Variants in ELMOD1 observed in about 807,000 individuals in gnomAD.
ELMOD1 encodes the protein ELMO domain-containing protein 1.
Under a neutral mutation model 46.7 loss-of-function variants are expected in ELMOD1, and 21 were observed. That is an observed-to-expected ratio of 0.45 (90% CI 0.32 to 0.65). The LOEUF is 0.65. Among genes scored for constraint, ELMOD1 ranks in the 30% least tolerant of loss-of-function variants. The pLI is 0.04. For synonymous variants in ELMOD1, 122 were observed against 138.2 expected (o/e 0.88, Z 0.82); for missense variants, 348 against 407.8 (o/e 0.85, Z 1.26).
chr11:107,654,419 C>A (rs1866585719), intron 10 of ELMOD1, among the ~76,000 whole-genome samples, 197 bp downstream of exon 10: 2 of 152,186 alleles, frequency 1.3e-5, no homozygotes, highest in African/African-American at 2.4e-5. Flanking sequence ...TGCCTATGAA[C>A]AACTGACAAG....
chr11:107,596,656 C>T (rs1865496617), intron 1 of ELMOD1, among the ~76,000 whole-genome samples: 1 of 152,100 alleles, frequency 6.6e-6, no homozygotes. Flanking sequence ...CTATTATGTA[C>T]ATCATTAGTC....
chr11:107,653,526 T>C (rs1341984728), intron 9 of ELMOD1: 1 of 151,900 alleles, frequency 6.6e-6, no homozygotes, highest in African/African-American at 2.4e-5. Flanking sequence ...TTAAAACCTG[T>C]AAATGCTCCC....
chr11:107,662,299 A>G (rs547042629), intron 11 of ELMOD1, among the ~76,000 whole-genome samples: 1 of 152,134 alleles, frequency 6.6e-6, no homozygotes, highest in East Asian at 2.0e-4. Context: ...GCAAGCCACC[A>G]TAGCTAGCTT....
intron 11 of ELMOD1, 111 bp downstream of exon 11, chr11:107,656,177 C>T (rs1030128119): frequency 1.6e-6 from 2 of 1,217,004 alleles, no homozygotes; most frequent in Non-Finnish European, 1.1e-6. Flanking sequence ...TGCCTGAGCT[C>T]AGGAGTTCAA....
chr11:107,634,918 T>A (rs80053184), intron 5 of ELMOD1, among the ~76,000 whole-genome samples: 4,785 of 152,282 alleles, frequency 0.031, 234 homozygotes, highest in African/African-American at 0.11. Flanking sequence ...AACCACTTTG[T>A]AATAAGCAAA....
At chr11:107,624,584 C>T (rs921138939) in intron 2 of ELMOD1, among the ~76,000 whole-genome samples, 1 of 152,162 alleles carries the variant, frequency 6.6e-6, no homozygotes. Context: ...CCAGAGAGGT[C>T]GAGGCTGCTT....
At chr11:107,602,770 A>G (rs1865623583) in intron 1 of ELMOD1, among the ~76,000 whole-genome samples, 1 of 143,712 alleles carries the variant, frequency 7.0e-6, no homozygotes, top group African/African-American at 2.6e-5. Flanking sequence ...TCTGTAATTC[A>G]TGTCAGAAAC....
intron 7 of ELMOD1, 119 bp downstream of exon 7, chr11:107,647,720 T>C: frequency 9.7e-7 from 1 of 1,031,430 alleles, no homozygotes; most frequent in Non-Finnish European, 1.3e-6. Context: ...AAAGAAAACA[T>C]TCAAGTCCCC....
chr11:107,618,350 A>G (rs550754932), intron 2 of ELMOD1, 144 bp downstream of exon 2: 1 of 967,272 alleles, frequency 1.0e-6, no homozygotes. Flanking sequence ...TTTTGCTAAG[A>G]ATAACTTGGC....
chr11:107,597,455 T>A (rs1865511217), intron 1 of ELMOD1, among the ~76,000 whole-genome samples: 1 of 152,112 alleles, frequency 6.6e-6, no homozygotes, highest in African/African-American at 2.4e-5. Flanking sequence ...TCTAAGAAGG[T>A]CAGAAACAAA....
intron 1 of ELMOD1, among the ~76,000 whole-genome samples, chr11:107,598,815 T>G (rs1865538379): frequency 6.6e-6 from 1 of 152,254 alleles, no homozygotes; most frequent in South Asian, 2.1e-4. Context: ...TTTGGCTACA[T>G]AGCCTCCATA....
At chr11:107,611,853 T>G (rs934581402) in intron 1 of ELMOD1, among the ~76,000 whole-genome samples, 6 of 151,994 alleles carry the variant, frequency 3.9e-5, no homozygotes, top group Non-Finnish European at 8.8e-5. Flanking sequence ...TGGCTATTAT[T>G]AAGAAGTCCA....
At chr11:107,642,947 G>T in intron 6 of ELMOD1, 1 of 333,956 alleles carries the variant, frequency 3.0e-6, no homozygotes, top group East Asian at 1.1e-4. Flanking sequence ...GTACAATCAG[G>T]TTATCCTTGG....
chr11:107,613,361 A>G (rs1237055382), intron 1 of ELMOD1, among the ~76,000 whole-genome samples: 1 of 152,224 alleles, frequency 6.6e-6, no homozygotes, highest in Non-Finnish European at 1.5e-5. Flanking sequence ...TAGAGAGGTC[A>G]AGCAACTTGT....
chr11:107,625,978 TAAAC>T (rs1420146177), intron 2 of ELMOD1, among the ~76,000 whole-genome samples: 5 of 151,942 alleles, frequency 3.3e-5, no homozygotes, highest in Non-Finnish European at 7.4e-5. Flanking sequence ...AAAACAGAAA[TAAAC>T]AAAAAAACTG....
At chr11:107,601,884 TC>T (rs1865606114) in intron 1 of ELMOD1, among the ~76,000 whole-genome samples, 1 of 152,192 alleles carries the variant, frequency 6.6e-6, no homozygotes, top group Non-Finnish European at 1.5e-5. Flanking sequence ...TCTAATGCAC[TC>T]TGAACTGGTT....
Position 107,647,577 on chromosome 11 carries a change from G to A in ELMOD1, c.530G>A (p.Gly177Glu). ...CCTAAAACAGACTTTCGAGGAATGG[G>A]ACTTCTGGGACTGTACAATTTGCAG... The part of the protein sequence containing the change: ...DDPKTDFRGM[G>E]LLGLYNLQYF... Residue 177 changes from glycine (G) to glutamate (E), a missense_variant, in exon 7 of 12, where the codon GGA becomes GAA. Transcript: ENST00000265840. The A allele has an allele frequency of 6.2e-7, 1 of 1,613,218 alleles. No individual in the cohort carries two copies. The highest frequency in any genetic ancestry group is 1.3e-5 in the African/African-American group (1 of 74,986).
intron 1 of ELMOD1, among the ~76,000 whole-genome samples, chr11:107,613,946 A>G (rs1360070699): frequency 6.6e-6 from 1 of 152,206 alleles, no homozygotes; most frequent in Non-Finnish European, 1.5e-5. Context: ...CTTCAGATCC[A>G]TGAATCTTTA....
intron 1 of ELMOD1, among the ~76,000 whole-genome samples, chr11:107,615,338 C>A (rs1194195470): frequency 7.1e-6 from 1 of 141,292 alleles, no homozygotes; most frequent in African/African-American, 2.6e-5. Context: ...CGGGTTCAAG[C>A]GATTCTCCTG....
Sources: gnomAD v4.1 joint callset for allele counts (sites outside exome capture counted in the v4.1 genomes callset) on GRCh38, gnomAD v4.1.1 for gene constraint, MANE v1.5 for transcripts, NCBI Gene and HGNC (gene_info 2026-07-23, HGNC 2026-07-21) for gene names.